The following SLC9A9 variants were observed in gnomAD, a reference collection of about 807,000 sequenced individuals.
The protein encoded by SLC9A9 is solute carrier family 9 member A9, also known as sodium/hydrogen exchanger 9.
Under a neutral mutation model 77.8 loss-of-function variants are expected in SLC9A9, and 62 were observed. That is an observed-to-expected ratio of 0.80 (90% confidence interval 0.65 to 0.98). SLC9A9 has a LOEUF of 0.98. SLC9A9 is among the 50% of genes least tolerant of loss of function. The pLI, the probability that SLC9A9 is intolerant of heterozygous loss-of-function variation, is 0.00. For synonymous variants in SLC9A9, 320 were observed against 283.5 expected (o/e 1.13, Z -1.29); for missense variants, 775 against 774.9 (o/e 1.00, Z 0.00).
At chr3:143,448,094 G>A (rs1481585945) in intron 12 of SLC9A9, among the ~76,000 whole-genome samples, 1 of 152,104 alleles carries the variant, frequency 6.6e-6, no homozygotes, top group Non-Finnish European at 1.5e-5. Flanking sequence ...AGCCATGGGT[G>A]GAGATCCCAG....
At chr3:143,405,975 T>G (rs1174298484) in intron 12 of SLC9A9, among the ~76,000 whole-genome samples, 1 of 152,242 alleles carries the variant, frequency 6.6e-6, no homozygotes, top group Non-Finnish European at 1.5e-5. Flanking sequence ...ATGCCTTTTT[T>G]GTTGAAGAGA....
chr3:143,309,443 G>T (rs1185791834), intron 14 of SLC9A9, among the ~76,000 whole-genome samples: 4 of 149,740 alleles, frequency 2.7e-5, no homozygotes, highest in Non-Finnish European at 5.9e-5. Flanking sequence ...AGGTTCATTT[G>T]GGGTCACCAG....
At chr3:143,290,083 C>A (rs547705568) in intron 14 of SLC9A9, among the ~76,000 whole-genome samples, 1 of 152,152 alleles carries the variant, frequency 6.6e-6, no homozygotes, top group Non-Finnish European at 1.5e-5. Context: ...TCTGAGAAAC[C>A]TTCCCTGACC....
chr3:143,711,047 T>C (rs1934130269), intron 4 of SLC9A9, among the ~76,000 whole-genome samples: 1 of 152,242 alleles, frequency 6.6e-6, no homozygotes, highest in Non-Finnish European at 1.5e-5. Flanking sequence ...TTTTAAAATA[T>C]GTTATTATTA....
chr3:143,425,685 A>G (rs1226605200), intron 12 of SLC9A9, among the ~76,000 whole-genome samples: 1 of 152,182 alleles, frequency 6.6e-6, no homozygotes, highest in East Asian at 1.9e-4. Context: ...CATCTCCACT[A>G]ATCAAATTCA....
intron 9 of SLC9A9, among the ~76,000 whole-genome samples, chr3:143,524,198 A>C (rs572490528): frequency 6.7e-6 from 1 of 150,028 alleles, no homozygotes; most frequent in South Asian, 2.1e-4. Context: ...AAAAACTAAG[A>C]GAGATCTAAC....
chr3:143,478,531 C>T (rs2035520484), intron 11 of SLC9A9, among the ~76,000 whole-genome samples: 1 of 152,190 alleles, frequency 6.6e-6, no homozygotes, highest in South Asian at 2.1e-4. Context: ...AAGGACTTGG[C>T]TGACAAAGCA....
intron 4 of SLC9A9, among the ~76,000 whole-genome samples, chr3:143,707,145 C>T (rs1282511262): frequency 6.6e-6 from 1 of 152,116 alleles, no homozygotes; most frequent in Non-Finnish European, 1.5e-5. Flanking sequence ...AGCTACAACC[C>T]CACAGTTCTC....
At chr3:143,315,531 G>A (rs2031183130) in intron 14 of SLC9A9, among the ~76,000 whole-genome samples, 1 of 152,156 alleles carries the variant, frequency 6.6e-6, no homozygotes, top group Non-Finnish European at 1.5e-5. Flanking sequence ...GTCCGTAGCT[G>A]GTCCTAGCCA....
intron 6 of SLC9A9, among the ~76,000 whole-genome samples, chr3:143,600,194 A>C (rs1205799196): frequency 6.6e-6 from 1 of 152,016 alleles, no homozygotes; most frequent in African/African-American, 2.4e-5. Context: ...CCAACCCCTC[A>C]ACAGGCCCCG....
chr3:143,317,821 A>G (rs377126106), intron 14 of SLC9A9, among the ~76,000 whole-genome samples: 16 of 152,112 alleles, frequency 1.1e-4, no homozygotes, highest in Admixed American at 2.6e-4. Context: ...TCTGCCTCCC[A>G]GGTTCATGCG....
intron 1 of SLC9A9, among the ~76,000 whole-genome samples, chr3:143,840,177 C>T (rs2009671009): frequency 6.6e-6 from 1 of 152,168 alleles, no homozygotes; most frequent in African/African-American, 2.4e-5. Flanking sequence ...ATTTGCATTT[C>T]TAACAAGCTG....
intron 2 of SLC9A9, among the ~76,000 whole-genome samples, chr3:143,815,739 A>T (rs2008995680): frequency 6.6e-6 from 1 of 151,988 alleles, no homozygotes; most frequent in African/African-American, 2.4e-5. Context: ...GGTGGTGTGC[A>T]TCTGTAGTCC....
intron 14 of SLC9A9, among the ~76,000 whole-genome samples, chr3:143,279,087 A>G (rs1383059922): frequency 6.6e-6 from 1 of 152,184 alleles, no homozygotes; most frequent in Non-Finnish European, 1.5e-5. Context: ...GGTTTCAGAG[A>G]TATATTTCAA....
chr3:143,413,644 C>T (rs1263126153), intron 12 of SLC9A9, among the ~76,000 whole-genome samples: 1 of 152,214 alleles, frequency 6.6e-6, no homozygotes, highest in Admixed American at 6.5e-5. Flanking sequence ...AGGCTGTCAG[C>T]TCTGTCCTTG....
chr3:143,652,550 A>C (rs951771860), intron 5 of SLC9A9, among the ~76,000 whole-genome samples, 190 bp from the exon 6 acceptor site: 1 of 152,112 alleles, frequency 6.6e-6, no homozygotes, highest in African/African-American at 2.4e-5. Flanking sequence ...TACTGCTTAA[A>C]GATAAAATTT....
At chr3:143,583,277 G>A (rs895682876) in intron 6 of SLC9A9, among the ~76,000 whole-genome samples, 1 of 152,190 alleles carries the variant, frequency 6.6e-6, no homozygotes, top group Admixed American at 6.5e-5. Context: ...TGATGACAGT[G>A]TATTGGACCT....
chr3:143,470,414 A>C (rs1387571359), intron 11 of SLC9A9, among the ~76,000 whole-genome samples: 1 of 151,070 alleles, frequency 6.6e-6, no homozygotes, highest in Non-Finnish European at 1.5e-5. Flanking sequence ...TGGGAGGCGG[A>C]GGTTTCAGTG....
intron 4 of SLC9A9, among the ~76,000 whole-genome samples, chr3:143,757,608 T>TGTC (rs2006968335): frequency 6.6e-6 from 1 of 152,124 alleles, no homozygotes; most frequent in Non-Finnish European, 1.5e-5. Context: ...AACTATAATA[T>TGTC]GCTTCAGAAA....
Sources: gnomAD v4.1 joint callset for allele counts (sites outside exome capture counted in the v4.1 genomes callset) on GRCh38, gnomAD v4.1.1 for gene constraint, MANE v1.5 for transcripts, NCBI Gene and HGNC (gene_info 2026-07-23, HGNC 2026-07-21) for gene names.